SMYD3: variants seen among roughly 807,000 people sequenced by gnomAD.
The protein encoded by SMYD3 is histone-lysine N-methyltransferase SMYD3.
SMYD3 carries 36 observed loss-of-function variants against 57.7 expected under a neutral mutation model. The ratio of observed to expected loss-of-function variants is 0.62; its 90% CI spans 0.48 to 0.82. The LOEUF is 0.82. Ranked by LOEUF, SMYD3 falls within the 40% of genes least tolerant of loss-of-function variation. The pLI, the probability that SMYD3 is intolerant of heterozygous loss-of-function variation, is 0.00. For synonymous variants in SMYD3, 211 were observed against 195.0 expected (o/e 1.08, Z -0.68); for missense variants, 515 against 538.8 (o/e 0.96, Z 0.44).
intron 5 of SMYD3, among the ~76,000 whole-genome samples, chr1:245,936,916 C>T (rs1158136428): frequency 4.0e-5 from 6 of 151,846 alleles, no homozygotes; most frequent in Admixed American, 6.6e-5. Flanking sequence ...TTAAACCATG[C>T]GATATCACGT....
rs563771323 is a variant in SMYD3, at chr1:246,002,374, C to T, written c.532-72437G>A. ...TAATTTTTTGTATTTTTAGTAGAGA[C>T]GGGGTTTCACCGTGTTAGCCAGGAT... On this transcript the variant is annotated intron_variant, in intron 5 of 11. Coordinates refer to ENST00000490107, the MANE Select transcript of SMYD3 (RefSeq NM_001167740.2). Among the ~76,000 whole-genome samples the T allele has an allele frequency of 5.3e-3, 291 of 54,732 alleles. 64 individuals are homozygous for T. The highest frequency in any genetic ancestry group is 0.017 in the Admixed American group (70 of 4,224). The allele number at this position is 54,732 out of a possible 152,430, so 35.9% of individuals were successfully genotyped here. A position where few individuals can be genotyped will look rare whatever the true frequency, so the allele number is the denominator to read the frequency against.
chr1:246,077,284 C>A (rs938260399), intron 5 of SMYD3, among the ~76,000 whole-genome samples: 2 of 152,124 alleles, frequency 1.3e-5, no homozygotes, highest in South Asian at 2.1e-4. Flanking sequence ...CAATAAACAG[C>A]CTTTGGAAGT....
At chr1:246,144,908 G>A (rs997191762) in intron 5 of SMYD3, among the ~76,000 whole-genome samples, 5 of 152,174 alleles carry the variant, frequency 3.3e-5, no homozygotes, top group Admixed American at 6.5e-5. Context: ...CGGGTTTCCC[G>A]GATCTGGATA....
intron 5 of SMYD3, among the ~76,000 whole-genome samples, chr1:246,146,414 A>G (rs2061843144): frequency 6.6e-6 from 1 of 152,214 alleles, no homozygotes; most frequent in African/African-American, 2.4e-5. Context: ...GTACCTGCAC[A>G]TGTGAGTTAA....
At chr1:246,051,451 T>G (rs1264652602) in intron 5 of SMYD3, among the ~76,000 whole-genome samples, 1 of 152,100 alleles carries the variant, frequency 6.6e-6, no homozygotes, top group African/African-American at 2.4e-5. Context: ...TATAACAGAC[T>G]AGGGAGTAAC....
At chr1:245,882,781 T>TA (rs933325681) in intron 8 of SMYD3, among the ~76,000 whole-genome samples, 79 of 152,226 alleles carry the variant, frequency 5.2e-4, no homozygotes, top group African/African-American at 1.7e-3. Flanking sequence ...TTTAAATTAA[T>TA]AAAAAAATCT....
At chr1:245,866,816 C>T (rs114184404) in intron 8 of SMYD3, among the ~76,000 whole-genome samples, 1 of 152,318 alleles carries the variant, frequency 6.6e-6, no homozygotes, top group Non-Finnish European at 1.5e-5. Context: ...AAGATCACCT[C>T]CCTCTCCTGC....
chr1:246,012,965 A>T (rs1035765354), intron 5 of SMYD3, among the ~76,000 whole-genome samples: 3 of 152,218 alleles, frequency 2.0e-5, no homozygotes, highest in Non-Finnish European at 4.4e-5. Flanking sequence ...TTCTGCTACA[A>T]AAGAGCATGC....
intron 5 of SMYD3, among the ~76,000 whole-genome samples, chr1:246,086,130 G>A (rs2060717261): frequency 6.6e-6 from 1 of 151,634 alleles, no homozygotes; most frequent in Non-Finnish European, 1.5e-5. Context: ...GCCCTCTTTG[G>A]TTCTCAAAGC....
intron 1 of SMYD3, among the ~76,000 whole-genome samples, chr1:246,413,680 T>C (rs1458987555): frequency 6.6e-6 from 1 of 152,094 alleles, no homozygotes; most frequent in Non-Finnish European, 1.5e-5. Flanking sequence ...GCTTCCTCCA[T>C]GTGACGGGCC....
chr1:246,465,829 G>C (rs2067873837), intron 1 of SMYD3, among the ~76,000 whole-genome samples: 1 of 152,204 alleles, frequency 6.6e-6, no homozygotes, highest in African/African-American at 2.4e-5. Context: ...CTGGAGTGCA[G>C]TGGCACAATC....
intron 5 of SMYD3, among the ~76,000 whole-genome samples, chr1:246,028,476 A>C (rs1558163653): frequency 6.6e-6 from 1 of 152,220 alleles, no homozygotes; most frequent in Non-Finnish European, 1.5e-5. Flanking sequence ...AATTCCACTT[A>C]CAACAGCTAC....
intron 5 of SMYD3, among the ~76,000 whole-genome samples, chr1:246,001,801 T>C (rs2059052028): frequency 6.6e-6 from 1 of 152,192 alleles, no homozygotes; most frequent in African/African-American, 2.4e-5. Flanking sequence ...TCTTTGAATA[T>C]CAATGCTCTG....
intron 5 of SMYD3, among the ~76,000 whole-genome samples, chr1:246,145,471 T>C (rs2061828804): frequency 6.6e-6 from 1 of 152,242 alleles, no homozygotes; most frequent in Admixed American, 6.5e-5. Context: ...GCATCTGAGC[T>C]TCACTGGATT....
intron 8 of SMYD3, among the ~76,000 whole-genome samples, chr1:245,886,605 A>G (rs190039231): frequency 5.9e-5 from 9 of 152,304 alleles, no homozygotes; most frequent in Non-Finnish European, 1.3e-4. Flanking sequence ...CGAACCCAAA[A>G]GCATCTCATT....
intron 1 of SMYD3, among the ~76,000 whole-genome samples, chr1:246,362,491 C>A (rs1313952031): frequency 7.0e-6 from 1 of 143,260 alleles, no homozygotes; most frequent in Non-Finnish European, 1.5e-5. Context: ...TCTCTTTCCA[C>A]GGTCTCCCTC....
intron 10 of SMYD3, among the ~76,000 whole-genome samples, chr1:245,793,112 A>G (rs552967093): frequency 1.9e-4 from 26 of 137,512 alleles, no homozygotes; most frequent in South Asian, 4.7e-4. Context: ...GATCAAGACC[A>G]TCCTGGCTAA....
chr1:246,258,363 G>A (rs1475187407), intron 5 of SMYD3, among the ~76,000 whole-genome samples: 1 of 152,106 alleles, frequency 6.6e-6, no homozygotes, highest in Non-Finnish European at 1.5e-5. Flanking sequence ...CAATGCAAGA[G>A]CACACTAATA....
chr1:245,999,161 C>T (rs1441719601), intron 5 of SMYD3, among the ~76,000 whole-genome samples: 1 of 150,802 alleles, frequency 6.6e-6, no homozygotes, highest in Admixed American at 6.6e-5. Flanking sequence ...TATTTTACCA[C>T]CAAAAAAAAC....
Sources: allele counts gnomAD v4.1 joint callset (sites outside exome capture counted in the v4.1 genomes callset), GRCh38; gene constraint gnomAD v4.1.1; transcripts MANE v1.5; gene names NCBI Gene and HGNC (gene_info 2026-07-23, HGNC 2026-07-21).